The following CPPED1 variants were observed in gnomAD, a reference collection of about 807,000 sequenced individuals.
CPPED1 encodes the protein calcineurin like phosphoesterase domain containing 1, also known as serine/threonine-protein phosphatase CPPED1.
In CPPED1, 28 loss-of-function variants were observed where a neutral mutation model predicts 28.0. That is an observed-to-expected ratio of 1.00 (90% CI 0.74 to 1.37). The LOEUF (loss-of-function observed/expected upper bound fraction) is 1.37. Ranked by LOEUF, CPPED1 falls within the 40% of genes most tolerant of loss-of-function variation. The probability of loss-of-function intolerance (pLI) is 0.00; values close to 1 mark genes in which losing one functional copy is unlikely to be tolerated. For synonymous variants in CPPED1, 198 were observed against 180.2 expected (o/e 1.10, Z -0.79); for missense variants, 504 against 416.5 (o/e 1.21, Z -1.83).
At chr16:12,698,526 G>T (rs1028142268) in intron 3 of CPPED1, among the ~76,000 whole-genome samples, 3 of 152,072 alleles carry the variant, frequency 2.0e-5, no homozygotes, top group Admixed American at 6.6e-5. Flanking sequence ...CCGCCTCCAG[G>T]GTTCAAGCGA....
chr16:12,674,646 G>A (rs972357773), intron 3 of CPPED1, among the ~76,000 whole-genome samples: 6 of 151,990 alleles, frequency 3.9e-5, no homozygotes, highest in African/African-American at 1.2e-4. Flanking sequence ...TCTGTCCTAG[G>A]GACTCACATC....
intron 1 of CPPED1, among the ~76,000 whole-genome samples, chr16:12,797,466 C>A (rs1376200978): frequency 6.6e-6 from 1 of 151,298 alleles, no homozygotes; most frequent in Non-Finnish European, 1.5e-5. Flanking sequence ...GAGGATCGAG[C>A]ATGGCTTGAG....
intron 2 of CPPED1, among the ~76,000 whole-genome samples, chr16:12,755,470 T>TG (rs1379471040): frequency 6.6e-6 from 1 of 151,726 alleles, no homozygotes; most frequent in African/African-American, 2.4e-5. Flanking sequence ...TTTGTAGAGA[T>TG]GGGGTCTCAC....
intron 2 of CPPED1, among the ~76,000 whole-genome samples, chr16:12,732,293 G>C (rs1490194054): frequency 6.7e-6 from 1 of 148,750 alleles, no homozygotes; most frequent in African/African-American, 2.5e-5. Context: ...AAGCTCGGTA[G>C]AAGGCTTAGA....
chr16:12,733,222 T>C (rs1320812010), intron 2 of CPPED1, among the ~76,000 whole-genome samples: 1 of 151,600 alleles, frequency 6.6e-6, no homozygotes, highest in Non-Finnish European at 1.5e-5. Context: ...AAATAACATA[T>C]GTACAGGCAA....
intron 2 of CPPED1, among the ~76,000 whole-genome samples, chr16:12,718,789 C>T (rs932323975): frequency 1.3e-5 from 2 of 151,886 alleles, no homozygotes; most frequent in Non-Finnish European, 2.9e-5. Flanking sequence ...ATGGTGAAAC[C>T]CTGTCTCTAC....
intron 2 of CPPED1, among the ~76,000 whole-genome samples, chr16:12,769,302 T>C (rs779959376): frequency 3.3e-5 from 5 of 152,206 alleles, no homozygotes; most frequent in Non-Finnish European, 7.4e-5. Flanking sequence ...TTCAATAGAA[T>C]TGGTTTCCTC....
In CPPED1 at chr16:12,697,179, C is replaced by T. The variant is rs1012939273; in HGVS notation, c.715+7445G>A. Among the ~76,000 whole-genome samples the T allele has an allele frequency of 4.7e-4, 71 of 152,046 alleles. 1 individual carries two copies. The highest frequency in any genetic ancestry group is 1.6e-3 in the African/African-American group (66 of 41,470). On this transcript the variant is annotated intron_variant, in intron 3 of 3. Transcript: ENST00000381774. Reference sequence around the variant, plus strand: ...AGCTAGGACTACAAGTGTGTGCCATCACGCTTGGCTAATTTTTGTATTTTT... The same window carrying T: ...AGCTAGGACTACAAGTGTGTGCCATTACGCTTGGCTAATTTTTGTATTTTT...
intron 2 of CPPED1, among the ~76,000 whole-genome samples, chr16:12,768,786 T>A (rs1017907579): frequency 2.0e-5 from 3 of 152,150 alleles, no homozygotes; most frequent in Admixed American, 2.0e-4. Flanking sequence ...AGAGATCACA[T>A]GGATTTTTTT....
At chr16:12,793,695 C>T (rs906250685) in intron 1 of CPPED1, among the ~76,000 whole-genome samples, 3 of 152,104 alleles carry the variant, frequency 2.0e-5, no homozygotes, top group Non-Finnish European at 4.4e-5. Context: ...CACAGTAACC[C>T]CTACCCTTAT....
intron 3 of CPPED1, among the ~76,000 whole-genome samples, chr16:12,678,167 G>A (rs2079887303): frequency 6.6e-6 from 1 of 152,186 alleles, no homozygotes; most frequent in African/African-American, 2.4e-5. Flanking sequence ...AAAGGAAAGA[G>A]TAATTTGTAG....
At chr16:12,690,803 C>T (rs1313512269) in intron 3 of CPPED1, among the ~76,000 whole-genome samples, 2 of 152,142 alleles carry the variant, frequency 1.3e-5, no homozygotes, top group Non-Finnish European at 2.9e-5. Flanking sequence ...AGGGGAATTC[C>T]ACACCCCTGT....
At chr16:12,794,958 G>C (rs2080618042) in intron 1 of CPPED1, among the ~76,000 whole-genome samples, 1 of 152,240 alleles carries the variant, frequency 6.6e-6, no homozygotes. Flanking sequence ...CACTGGCTTT[G>C]GCTGACGCCA....
chr16:12,790,962 T>C (rs35304659), intron 1 of CPPED1, among the ~76,000 whole-genome samples: 1 of 149,310 alleles, frequency 6.7e-6, no homozygotes, highest in Admixed American at 6.7e-5. Context: ...AGTATTAGTA[T>C]GTCTGTTTTT....
chr16:12,693,732 G>A (rs1222542626), intron 3 of CPPED1, among the ~76,000 whole-genome samples: 1 of 152,152 alleles, frequency 6.6e-6, no homozygotes, highest in African/African-American at 2.4e-5. Flanking sequence ...TGGAGATACT[G>A]GAATTTTACA....
chr16:12,778,825 C>A (rs1399824248), intron 2 of CPPED1, among the ~76,000 whole-genome samples: 6 of 152,210 alleles, frequency 3.9e-5, no homozygotes, highest in Admixed American at 3.9e-4. Flanking sequence ...ATTCCTTTCA[C>A]TGGTTCAATT....
intron 2 of CPPED1, among the ~76,000 whole-genome samples, chr16:12,722,825 G>A (rs1349784451): frequency 1.3e-5 from 2 of 152,108 alleles, no homozygotes; most frequent in Non-Finnish European, 2.9e-5. Context: ...GCTTTCCCAC[G>A]GACCCCAAGG....
intron 2 of CPPED1, among the ~76,000 whole-genome samples, chr16:12,747,626 C>T (rs1033430517): frequency 6.6e-6 from 1 of 152,036 alleles, no homozygotes; most frequent in Non-Finnish European, 1.5e-5. Context: ...CCCATGTTGC[C>T]TGTCTGGTCT....
intron 2 of CPPED1, among the ~76,000 whole-genome samples, chr16:12,732,451 AACAC>A (rs879311973): frequency 7.0e-6 from 1 of 142,154 alleles, no homozygotes; most frequent in Admixed American, 7.4e-5. Context: ...GCCCACACAC[AACAC>A]ACACACACAC....
Sources: gnomAD v4.1 joint callset for allele counts (sites outside exome capture counted in the v4.1 genomes callset) on GRCh38, gnomAD v4.1.1 for gene constraint, MANE v1.5 for transcripts, NCBI Gene and HGNC (gene_info 2026-07-23, HGNC 2026-07-21) for gene names.